AMBRA1: variants seen among roughly 807,000 people sequenced by gnomAD.
AMBRA1 encodes activating molecule in BECN1-regulated autophagy protein 1.
In AMBRA1, 47 loss-of-function variants were observed where a neutral mutation model predicts 125.4. That is an observed-to-expected ratio of 0.37 (90% confidence interval 0.30 to 0.48). AMBRA1 has a LOEUF of 0.48. AMBRA1 is among the 20% of genes least tolerant of loss of function. The pLI is 0.99. For missense variants in AMBRA1, 1,331 were observed against 1,693.4 expected (o/e 0.79, Z 3.76); for synonymous variants, 626 against 655.5 (o/e 0.95, Z 0.69).
chr11:46,430,731 T>C (rs1362661346), intron 14 of AMBRA1, among the ~76,000 whole-genome samples: 1 of 152,198 alleles, frequency 6.6e-6, no homozygotes, highest in Admixed American at 6.5e-5. Context: ...GCCCAACACA[T>C]TTGCCTCTCT....
At chr11:46,476,134 T>C in intron 11 of AMBRA1, among the ~76,000 whole-genome samples, 1 of 150,158 alleles carries the variant, frequency 6.7e-6, no homozygotes, top group Non-Finnish European at 1.5e-5. Flanking sequence ...TACCCAGAAA[T>C]AATAACAGAG....
chr11:46,521,618 A>C (rs1951764359), intron 7 of AMBRA1, among the ~76,000 whole-genome samples: 1 of 152,272 alleles, frequency 6.6e-6, no homozygotes, highest in South Asian at 2.1e-4. Context: ...ATGATTTCCA[A>C]ATTGACATCT....
At chr11:46,421,452 C>T (rs1946847242) in intron 14 of AMBRA1, among the ~76,000 whole-genome samples, 1 of 152,218 alleles carries the variant, frequency 6.6e-6, no homozygotes, top group African/African-American at 2.4e-5. Flanking sequence ...GCTTGCTTAG[C>T]ACACTCTAGT....
At chr11:46,502,917 T>A (rs1376130823) in intron 9 of AMBRA1, among the ~76,000 whole-genome samples, 2 of 151,670 alleles carry the variant, frequency 1.3e-5, no homozygotes, top group African/African-American at 4.8e-5. Context: ...AAAAATTAGC[T>A]GGGCGTGGTG....
chr11:46,582,902 T>C (rs1268549340), intron 1 of AMBRA1, among the ~76,000 whole-genome samples: 1 of 151,290 alleles, frequency 6.6e-6, no homozygotes, highest in Non-Finnish European at 1.5e-5. Context: ...AAGAAATAGT[T>C]GTAAAAGGCC....
rs567532833 is a variant in AMBRA1 at position 46,591,850 on chromosome 11, C to G, written c.-121+1978G>C. On this transcript the variant is annotated intron_variant, in intron 1 of 17. Transcript: ENST00000683756. Reference sequence around the variant, plus strand: ...CCAGCCTGGGGGACAAAGCAAGACTCCGTCTCAAAAAACACACACACAAAA... The same window carrying G: ...CCAGCCTGGGGGACAAAGCAAGACTGCGTCTCAAAAAACACACACACAAAA... Among the ~76,000 whole-genome samples, 250 of 151,806 alleles carry G rather than the reference C, an allele frequency of 1.6e-3. 1 individual carries two copies. The highest frequency in any genetic ancestry group is 1.8e-3 in the Non-Finnish European group (123 of 67,918).
chr11:46,521,144 A>G (rs1320594221), intron 7 of AMBRA1, among the ~76,000 whole-genome samples: 1 of 152,238 alleles, frequency 6.6e-6, no homozygotes, highest in African/African-American at 2.4e-5. Flanking sequence ...ACTGGCGACA[A>G]GACTCTCAGA....
chr11:46,443,128 G>C (rs1948101822), intron 12 of AMBRA1, among the ~76,000 whole-genome samples: 1 of 152,226 alleles, frequency 6.6e-6, no homozygotes, highest in Admixed American at 6.5e-5. Context: ...TCTCTGCTCT[G>C]AAGAGTTTGT....
chr11:46,519,744 G>T (rs534879700), intron 7 of AMBRA1, among the ~76,000 whole-genome samples: 1 of 152,288 alleles, frequency 6.6e-6, no homozygotes, highest in African/African-American at 2.4e-5. Flanking sequence ...CAGGGCATTT[G>T]GTATTCAAGC....
intron 7 of AMBRA1, among the ~76,000 whole-genome samples, chr11:46,524,762 T>A (rs1479849095): frequency 6.6e-6 from 1 of 152,198 alleles, no homozygotes; most frequent in Non-Finnish European, 1.5e-5. Flanking sequence ...ATGCCCTCTG[T>A]CCACTCAAGT....
intron 11 of AMBRA1, among the ~76,000 whole-genome samples, chr11:46,476,942 A>G (rs1481576756): frequency 6.6e-6 from 1 of 152,080 alleles, no homozygotes; most frequent in East Asian, 1.9e-4. Context: ...CCTTGTCTCT[A>G]CTAAAAATAC....
At chr11:46,416,621 A>T (rs1946558889) in intron 15 of AMBRA1, among the ~76,000 whole-genome samples, 1 of 152,182 alleles carries the variant, frequency 6.6e-6, no homozygotes, top group Admixed American at 6.5e-5. Flanking sequence ...CCTTTAGGAG[A>T]AACTATCAAG....
chr11:46,461,368 T>C (rs912277669), intron 11 of AMBRA1, among the ~76,000 whole-genome samples: 1 of 152,244 alleles, frequency 6.6e-6, no homozygotes, highest in Non-Finnish European at 1.5e-5. Context: ...GCATGTCATA[T>C]ATATGCCTGT....
chr11:46,536,313 G>C (rs760789579), intron 7 of AMBRA1, among the ~76,000 whole-genome samples: 1 of 152,126 alleles, frequency 6.6e-6, no homozygotes, highest in Non-Finnish European at 1.5e-5. Flanking sequence ...ATAATTTTCT[G>C]TCATGGGTGC....
At chr11:46,454,873 CTTTTT>C (rs1008795533) in intron 11 of AMBRA1, among the ~76,000 whole-genome samples, 9 of 134,446 alleles carry the variant, frequency 6.7e-5, no homozygotes, top group African/African-American at 2.2e-4. Flanking sequence ...CTGGTATTAG[CTTTTT>C]TTTTTTTTTT....
intron 7 of AMBRA1, chr11:46,530,506 T>C (rs142517316): frequency 5.5e-4 from 84 of 152,316 alleles, no homozygotes; most frequent in African/African-American, 2.0e-3. Flanking sequence ...TCAGGCCAGA[T>C]AGTACAAGAA....
At chr11:46,426,786 G>C (rs1947157173) in intron 14 of AMBRA1, among the ~76,000 whole-genome samples, 1 of 152,150 alleles carries the variant, frequency 6.6e-6, no homozygotes, top group Non-Finnish European at 1.5e-5. Flanking sequence ...CAACTGACAG[G>C]CAGCTTTAAG....
Position 46,410,344 on chromosome 11 carries a change from G to C in AMBRA1, c.3141C>G (p.Tyr1047Ter). 6.2e-7 allele frequency: 1 copy of C among 1,613,948 alleles called. No homozygotes were observed. Among genetic ancestry groups the C allele is most frequent in the Non-Finnish European group, 8.5e-7 (1 of 1,179,904 alleles). The change falls in exon 16 of 18, where the codon TAC becomes TAG. Residue 1047 changes from tyrosine (Y) to a stop codon, truncating the protein, a stop_gained. Transcript: ENST00000683756. LOFTEE classifies it high-confidence loss of function. ...RPEALNSGVE[Y>*]YWDQLNETVF... ...CCGTCTCGTTCAGCTGGTCCCAGTA[G>C]TACTCAACACCAGAGTTTAAGGCCC...
intron 14 of AMBRA1, among the ~76,000 whole-genome samples, chr11:46,427,730 CG>C (rs1947218467): frequency 1.3e-5 from 2 of 152,094 alleles, no homozygotes; most frequent in Admixed American, 1.3e-4. Flanking sequence ...GGTAACAGGC[CG>C]GGAGCGCTGG....
Sources: gnomAD v4.1 joint callset for allele counts (sites outside exome capture counted in the v4.1 genomes callset) on GRCh38, gnomAD v4.1.1 for gene constraint, MANE v1.5 for transcripts, NCBI Gene and HGNC (gene_info 2026-07-23, HGNC 2026-07-21) for gene names.